Variants in CERS4 observed in about 807,000 individuals in gnomAD.
CERS4 encodes LAG1 homolog, ceramide synthase 4.
In CERS4, 65 loss-of-function variants were observed where a neutral mutation model predicts 51.8. That is an observed-to-expected ratio of 1.26 (90% CI 1.03 to 1.54). The LOEUF is 1.54. CERS4 is among the 40% of genes most tolerant of loss of function. CERS4 has a pLI of 0.00. For synonymous variants in CERS4, 228 were observed against 208.4 expected, an observed-to-expected ratio of 1.09 and a Z score of -0.81; for missense variants, 563 against 500.4, an observed-to-expected ratio of 1.13 and a Z score of -1.19.
chr19:8,233,516 T>A (rs1375731092), intron 2 of CERS4, among the ~76,000 whole-genome samples: 1 of 152,024 alleles, frequency 6.6e-6, no homozygotes, highest in Non-Finnish European at 1.5e-5. Flanking sequence ...TTGTTATCTA[T>A]GAAAGAGCTG....
chr19:8,239,609 C>T (rs62126443), intron 2 of CERS4: 4,883 of 152,194 alleles, frequency 0.032, 102 homozygotes, highest in South Asian at 0.055. Flanking sequence ...AAGCTTCTAT[C>T]CTTGACTGTC....
rs61729807 is a variant in CERS4, at chr19:8,261,727, G to A, written c.888G>A (p.Arg296=). The A allele has an allele frequency of 1.9e-6, 3 of 1,613,930 alleles. No individual in the cohort carries two copies. The highest frequency in any genetic ancestry group is 3.3e-5 in the Admixed American group (2 of 59,964). ...CATACTACGAGTCCATCAGCAACAGGGGCCCCTTCTTCGGCTACTACTTCT... is the reference window on the plus strand; with the variant it reads ...CATACTACGAGTCCATCAGCAACAGAGGCCCCTTCTTCGGCTACTACTTCT... ...YTTYYESISN[R]GPFFGYYFFN... Residue 296 remains arginine, a synonymous_variant, in exon 11 of 12, where the codon AGG becomes AGA. Coordinates refer to ENST00000251363, the MANE Select transcript of CERS4 (RefSeq NM_024552.3).
rs35971828 is a variant in CERS4, at chr19:8,234,542, ATTTTT to A, written c.-1-16510_-1-16506del. On this transcript the variant is annotated intron_variant, in intron 2 of 11. Coordinates refer to ENST00000251363, the MANE Select transcript of CERS4 (RefSeq NM_024552.3). Reference sequence around the variant, plus strand: ...CCCTTCCCCTGGCACCCACCATTCTATTTTTTTTTTTTTTTTTTTTTTTTTTTTGG... The same window carrying A: ...CCCTTCCCCTGGCACCCACCATTCTATTTTTTTTTTTTTTTTTTTTTTTGG... Among the ~76,000 whole-genome samples the A allele has an allele frequency of 3.5e-3, 192 of 54,162 alleles. 2 individuals are homozygous for A. The highest frequency in any genetic ancestry group is 0.028 in the South Asian group (36 of 1,264). 35.5% of individuals were successfully genotyped at this position (54,162 alleles called of 152,430 possible). A position where few individuals can be genotyped will look rare whatever the true frequency, so the allele number is the denominator to read the frequency against.
intron 2 of CERS4, among the ~76,000 whole-genome samples, chr19:8,214,904 TG>T (rs1482838047): frequency 1.2e-4 from 9 of 73,806 alleles, no homozygotes; most frequent in African/African-American, 5.0e-4. Flanking sequence ...GGGGAGGAGG[TG>T]GGAGGGGAGG....
intron 10 of CERS4, chr19:8,261,232 G>A (rs10426365): frequency 3.6e-4 from 58 of 160,184 alleles, no homozygotes; most frequent in East Asian, 1.8e-3. Context: ...ATGAGGCCCC[G>A]CCCCTCTTAA....
At chr19:8,238,651 G>C (rs189539226) in intron 2 of CERS4, 6 of 931,240 alleles carry the variant, frequency 6.4e-6, no homozygotes, top group Non-Finnish European at 7.7e-6. Flanking sequence ...TCATGGTCCA[G>C]TATTGGTTGT....
chr19:8,261,819 T>G lies in CERS4; in HGVS notation c.980T>G (p.Leu327Arg), dbSNP rs750676952. The change falls in exon 11 of 12, where the codon CTC becomes CGC. Residue 327 changes from leucine to arginine, a missense_variant. Physicochemically the swap from Leu to Arg is moderately radical, Grantham distance 102. Transcript: ENST00000251363. ...TGGTCTTGCCTCATTCTGCGCATGCTCTATAGCTTCATGAAGAAGGGCCAG... is the reference window on the plus strand; with the variant it reads ...TGGTCTTGCCTCATTCTGCGCATGCGCTATAGCTTCATGAAGAAGGGCCAG... ...VFWSCLILRM[L>R]YSFMKKGQME... 5 of 1,614,114 alleles carry G rather than the reference T, an allele frequency of 3.1e-6. No individual in the cohort carries two copies. Among genetic ancestry groups the G allele is most frequent in the Non-Finnish European group, 4.2e-6 (5 of 1,180,012 alleles).
chr19:8,217,779 C>T (rs1388087601), intron 2 of CERS4, among the ~76,000 whole-genome samples: 8 of 151,966 alleles, frequency 5.3e-5, no homozygotes, highest in Admixed American at 4.6e-4. Context: ...CCTCGTGATC[C>T]GCCCGCCTCG....
intron 2 of CERS4, among the ~76,000 whole-genome samples, chr19:8,244,757 G>A (rs1015674524): frequency 1.3e-5 from 2 of 152,090 alleles, no homozygotes; most frequent in South Asian, 2.1e-4. Context: ...GTGCAGTCCT[G>A]CCTTGGAAAG....
At chr19:8,253,654 C>T (rs1013812492) in intron 3 of CERS4, among the ~76,000 whole-genome samples, 2 of 151,834 alleles carry the variant, frequency 1.3e-5, no homozygotes, top group Non-Finnish European at 2.9e-5. Flanking sequence ...TCAGTAGATG[C>T]AATCCTGGCT....
chr19:8,240,074 G>A lies in CERS4; in HGVS notation c.-1-11002G>A, dbSNP rs546329904. On this transcript the variant is annotated intron_variant, in intron 2 of 11. Transcript: ENST00000251363. ...AGTCTGAGAAGTCTTCTTGGAGGAG[G>A]TGACATTTGAGCTGAAATAAGAATG... Among the ~76,000 whole-genome samples the A allele has an allele frequency of 2.6e-5, 4 of 152,234 alleles. No individual in the cohort carries two copies. In the East Asian group the frequency reaches 5.8e-4, roughly 22 times the overall value.
chr19:8,247,732 C>CTTTTT (rs370855290), intron 2 of CERS4, among the ~76,000 whole-genome samples: 5 of 131,138 alleles, frequency 3.8e-5, no homozygotes, highest in South Asian at 2.5e-4. Context: ...ACCTCCGCAT[C>CTTTTT]TTTTTTTTTT....
intron 2 of CERS4, among the ~76,000 whole-genome samples, chr19:8,235,286 C>A (rs1050051594): frequency 4.0e-5 from 6 of 151,558 alleles, no homozygotes; most frequent in Non-Finnish European, 8.8e-5. Flanking sequence ...GGATTACAGG[C>A]GTGAACGACC....
At chr19:8,252,797 A>G (rs924754324) in intron 3 of CERS4, among the ~76,000 whole-genome samples, 1 of 151,692 alleles carries the variant, frequency 6.6e-6, no homozygotes, top group African/African-American at 2.4e-5. Flanking sequence ...TTGGTCTTGA[A>G]CTCCTGAGTT....
chr19:8,247,732 C>CTTTTTTTT (rs370855290), intron 2 of CERS4, among the ~76,000 whole-genome samples: 3 of 131,140 alleles, frequency 2.3e-5, no homozygotes, highest in Non-Finnish European at 4.7e-5. Context: ...ACCTCCGCAT[C>CTTTTTTTT]TTTTTTTTTT....
intron 3 of CERS4, among the ~76,000 whole-genome samples, chr19:8,252,442 CTTTT>C (rs58506162): frequency 0.044 from 6,551 of 148,644 alleles, 404 homozygotes; most frequent in African/African-American, 0.14. Flanking sequence ...GGCTGGCTAA[CTTTT>C]TTTTTTTTTT....
intron 2 of CERS4, among the ~76,000 whole-genome samples, chr19:8,221,169 A>G (rs1344616401): frequency 2.1e-5 from 3 of 145,424 alleles, no homozygotes; most frequent in Non-Finnish European, 4.5e-5. Context: ...GGGTCTCGCT[A>G]TGTTGCTCAG....
intron 2 of CERS4, among the ~76,000 whole-genome samples, chr19:8,227,498 C>T (rs749252698): frequency 7.2e-5 from 11 of 151,906 alleles, no homozygotes; most frequent in Admixed American, 2.6e-4. Flanking sequence ...CTGGCCACCA[C>T]GCCTAGCTAA....
At position 8,210,348 on chromosome 19, in the gene CERS4, C is replaced by T. The variant is rs746090315; in HGVS notation, c.-158-358C>T. ...ATTCGCTTTGGCAGAGTAACATCGT[C>T]TAATTCTGTCTGTTTGCAAGTGGAG... On this transcript the variant is annotated intron_variant, in intron 1 of 11. Transcript: ENST00000251363. The surrounding 1 kb of genome is among the most constrained non-coding windows in gnomAD (Gnocchi z 4.2). Among the ~76,000 whole-genome samples, 3 of 152,150 alleles carry T rather than the reference C, an allele frequency of 2.0e-5. No individual in the cohort carries two copies. Among genetic ancestry groups the T allele is most frequent in the Non-Finnish European group, 4.4e-5 (3 of 68,040 alleles).
Sources: allele counts gnomAD v4.1 joint callset (sites outside exome capture counted in the v4.1 genomes callset), GRCh38; gene constraint gnomAD v4.1.1; non-coding constraint Gnocchi (gnomAD v3.1); transcripts MANE v1.5; gene names NCBI Gene and HGNC (gene_info 2026-07-23, HGNC 2026-07-21).